LRRC4C: variants seen among roughly 807,000 people sequenced by gnomAD.
LRRC4C encodes the protein leucine-rich repeat-containing protein 4C.
LRRC4C carries 5 observed loss-of-function variants against 33.6 expected under a neutral mutation model. The observed-to-expected ratio is 0.15, with a 90% CI of 0.08 to 0.31. LRRC4C has a LOEUF of 0.31. Ranked by LOEUF, LRRC4C falls within the 10% of genes least tolerant of loss-of-function variation. The pLI is 1.00. For missense variants in LRRC4C, 560 were observed against 796.7 expected (o/e 0.70, Z 3.58); for synonymous variants, 329 against 302.0 (o/e 1.09, Z -0.93).
At chr11:40,202,321 G>A (rs1461635153) in intron 5 of LRRC4C, among the ~76,000 whole-genome samples, 1 of 149,614 alleles carries the variant, frequency 6.7e-6, no homozygotes, top group East Asian at 2.0e-4. Context: ...TTTAATAGCT[G>A]ATTAACAACT....
intron 3 of LRRC4C, among the ~76,000 whole-genome samples, chr11:40,409,252 T>A (rs1211912070): frequency 1.3e-5 from 2 of 151,908 alleles, no homozygotes; most frequent in African/African-American, 2.4e-5. Flanking sequence ...CAACTCAGAA[T>A]GAATTAAGAA....
At chr11:40,753,569 C>G (rs1309628712) in intron 2 of LRRC4C, among the ~76,000 whole-genome samples, 1 of 136,644 alleles carries the variant, frequency 7.3e-6, no homozygotes, top group Non-Finnish European at 1.5e-5. Context: ...GAGACAGAGT[C>G]TTGCTCTGTT....
rs1194466853 is a variant in LRRC4C, at chr11:40,915,330, A to C, written c.-407+18305T>G. On this transcript the variant is annotated intron_variant, in intron 2 of 6. Transcript: ENST00000528697. The stretch of plus-strand genomic sequence containing the variant: ...GCTACAGTAACCAAAACAGCATGGT[A>C]CTGGTACCAAAACAGAGATATAGAT... 3.3e-5 allele frequency among the ~76,000 whole-genome samples: 5 copies of C among 152,162 alleles called. No homozygotes were observed. In the East Asian group the frequency reaches 9.7e-4, roughly 29 times the overall value.
intron 3 of LRRC4C, among the ~76,000 whole-genome samples, chr11:40,407,822 T>A (rs969035539): frequency 2.0e-5 from 3 of 152,200 alleles, no homozygotes; most frequent in Admixed American, 1.3e-4. Flanking sequence ...GTAAATTCCA[T>A]GTAATTGCAT....
chr11:40,773,893 T>C (rs566227954), intron 2 of LRRC4C, among the ~76,000 whole-genome samples: 263 of 152,162 alleles, frequency 1.7e-3, no homozygotes, highest in African/African-American at 5.9e-3. Flanking sequence ...CATTTCAAAG[T>C]ATATGATTCG....
At chr11:40,977,898 T>A (rs549996523) in intron 1 of LRRC4C, among the ~76,000 whole-genome samples, 28 of 152,244 alleles carry the variant, frequency 1.8e-4, no homozygotes, top group Non-Finnish European at 3.8e-4. Context: ...TTGTGGGAAG[T>A]CACCAGGGAG....
rs77431129 is a variant in LRRC4C at position 40,271,720 on chromosome 11, T to C, written c.-175-30122A>G. On this transcript the variant is annotated intron_variant, in intron 4 of 6. Coordinates refer to ENST00000528697, the MANE Select transcript of LRRC4C (RefSeq NM_001258419.2). Reference sequence around the variant, plus strand: ...TCAGCTCCGAATGTAGACCCCTGTCTACCGATGTGGGTGAAGGCACATGAA... The same window carrying C: ...TCAGCTCCGAATGTAGACCCCTGTCCACCGATGTGGGTGAAGGCACATGAA... Among the ~76,000 whole-genome samples, 267 of 152,306 alleles carry C rather than the reference T, an allele frequency of 1.8e-3. 10 individuals are homozygous for C. In the East Asian group the frequency reaches 0.045, roughly 26 times the overall value.
At chr11:40,940,141 T>G (rs1958078335) in intron 1 of LRRC4C, among the ~76,000 whole-genome samples, 2 of 152,120 alleles carry the variant, frequency 1.3e-5, no homozygotes, top group South Asian at 4.1e-4. Flanking sequence ...GTGTCATCCC[T>G]TTTTACTCTA....
chr11:40,541,882 C>T (rs1281729734), intron 3 of LRRC4C, among the ~76,000 whole-genome samples: 2 of 152,034 alleles, frequency 1.3e-5, no homozygotes, highest in Non-Finnish European at 2.9e-5. Flanking sequence ...ACATCACTTC[C>T]CTCCTTCTAT....
chr11:40,924,221 A>G (rs1405829706), intron 2 of LRRC4C, among the ~76,000 whole-genome samples: 3 of 151,758 alleles, frequency 2.0e-5, no homozygotes, highest in Non-Finnish European at 4.4e-5. Flanking sequence ...CCTCACACCC[A>G]TTGTTGAGAG....
chr11:41,232,969 A>G (rs1396034453), intron 1 of LRRC4C, among the ~76,000 whole-genome samples: 7 of 152,126 alleles, frequency 4.6e-5, no homozygotes, highest in Non-Finnish European at 1.0e-4. Context: ...CTTTGCATTT[A>G]ACCTTAAGGA....
chr11:40,341,571 A>C (rs1222841013), intron 3 of LRRC4C, among the ~76,000 whole-genome samples: 2 of 152,138 alleles, frequency 1.3e-5, no homozygotes, highest in Non-Finnish European at 2.9e-5. Flanking sequence ...TAGCATTAGG[A>C]GATATACCTA....
intron 3 of LRRC4C, among the ~76,000 whole-genome samples, chr11:40,328,467 G>C (rs1357760448): frequency 6.6e-6 from 1 of 151,728 alleles, no homozygotes; most frequent in Non-Finnish European, 1.5e-5. Flanking sequence ...TTTCATATTT[G>C]CCTTTAGCTG....
At chr11:41,120,309 T>C (rs1942356057) in intron 1 of LRRC4C, among the ~76,000 whole-genome samples, 1 of 152,214 alleles carries the variant, frequency 6.6e-6, no homozygotes, top group East Asian at 1.9e-4. Context: ...CAAATATCTA[T>C]TGAGTTCCAG....
At chr11:40,699,378 G>A (rs921185704) in intron 2 of LRRC4C, among the ~76,000 whole-genome samples, 1 of 152,158 alleles carries the variant, frequency 6.6e-6, no homozygotes, top group African/African-American at 2.4e-5. Flanking sequence ...AATAGGTGTA[G>A]AAAGCCTACT....
chr11:41,318,078 T>G (rs1377640296), intron 1 of LRRC4C, among the ~76,000 whole-genome samples: 1 of 152,036 alleles, frequency 6.6e-6, no homozygotes, highest in African/African-American at 2.4e-5. Context: ...TTGAACAACA[T>G]AAAGAGAGGC....
At chr11:40,522,501 TTAA>T (rs1394510861) in intron 3 of LRRC4C, among the ~76,000 whole-genome samples, 1 of 152,218 alleles carries the variant, frequency 6.6e-6, no homozygotes, top group African/African-American at 2.4e-5. Context: ...CCTGTGGTAG[TTAA>T]TAAGTCTCAT....
intron 2 of LRRC4C, among the ~76,000 whole-genome samples, chr11:40,652,938 T>C (rs1345288063): frequency 1.2e-4 from 18 of 152,144 alleles, no homozygotes; most frequent in Admixed American, 1.2e-3. Flanking sequence ...CCCCTGCTGT[T>C]CTCATGCTAG....
Position 40,457,517 on chromosome 11 carries a change from T to A in LRRC4C, c.-269-137796A>T, listed in dbSNP as rs1952193852. On this transcript the variant is annotated intron_variant, in intron 3 of 6. Transcript: ENST00000528697. ...ATTTAGTACACACAAATGGCTTTTGTGCATTTCGCAGTTCCATTTTTCCAA... is the reference window on the plus strand; with the variant it reads ...ATTTAGTACACACAAATGGCTTTTGAGCATTTCGCAGTTCCATTTTTCCAA... 2.0e-5 allele frequency among the ~76,000 whole-genome samples: 3 copies of A among 152,158 alleles called. No individual in the cohort carries two copies. In the South Asian group the frequency reaches 6.2e-4, roughly 31 times the overall value.
Sources: allele counts gnomAD v4.1 joint callset (sites outside exome capture counted in the v4.1 genomes callset), GRCh38; gene constraint gnomAD v4.1.1; transcripts MANE v1.5; gene names NCBI Gene and HGNC (gene_info 2026-07-23, HGNC 2026-07-21).